Variants in PRKCZ observed in about 807,000 individuals in gnomAD.
PRKCZ encodes protein kinase C zeta type.
Under a neutral mutation model 79.5 loss-of-function variants are expected in PRKCZ, and 33 were observed. That is an observed-to-expected ratio of 0.41 (90% CI 0.31 to 0.55). The LOEUF (loss-of-function observed/expected upper bound fraction) is 0.55. Among genes scored for constraint, PRKCZ ranks in the 20% least tolerant of loss-of-function variants. The probability of loss-of-function intolerance (pLI) is 0.19; values close to 1 mark genes in which losing one functional copy is unlikely to be tolerated. For synonymous variants in PRKCZ, 342 were observed against 320.9 expected, an observed-to-expected ratio of 1.07 and a Z score of -0.70; for missense variants, 578 against 813.5, an observed-to-expected ratio of 0.71 and a Z score of 3.52.
intron 4 of PRKCZ, among the ~76,000 whole-genome samples, chr1:2,061,277 C>G (rs1051591753): frequency 2.0e-5 from 3 of 152,196 alleles, no homozygotes; most frequent in African/African-American, 7.2e-5. Context: ...CTCAACCCTG[C>G]CTGGGGGCCT....
chr1:2,056,612 T>C, intron 3 of PRKCZ, 39 bp downstream of exon 3: 1 of 1,556,470 alleles, frequency 6.4e-7, no homozygotes, highest in Middle Eastern at 1.7e-4. Flanking sequence ...TCTGGGGGGC[T>C]GTTCCTGGCT....
At chr1:2,100,910 T>C (rs1246782408) in intron 4 of PRKCZ, among the ~76,000 whole-genome samples, 1 of 152,018 alleles carries the variant, frequency 6.6e-6, no homozygotes, top group Non-Finnish European at 1.5e-5. Context: ...GCTGTCCCTA[T>C]ATGATGTGGT....
chr1:2,116,812 C>T (rs1670848464), intron 4 of PRKCZ, among the ~76,000 whole-genome samples: 1 of 152,116 alleles, frequency 6.6e-6, no homozygotes, highest in South Asian at 2.1e-4. Flanking sequence ...TTACAGTTGG[C>T]TTATTTGCTT....
At chr1:2,073,645 G>A (rs555109409) in intron 4 of PRKCZ, 113 of 991,444 alleles carry the variant, frequency 1.1e-4, no homozygotes, top group East Asian at 1.0e-3. Flanking sequence ...CATCCATGCC[G>A]TGTTTTAGTT....
chr1:2,150,343 C>T (rs921868155), intron 8 of PRKCZ, among the ~76,000 whole-genome samples: 5 of 152,150 alleles, frequency 3.3e-5, no homozygotes, highest in African/African-American at 1.2e-4. Flanking sequence ...ATAATGTGTG[C>T]CTGCCGGTTT....
rs144456409 is a variant in PRKCZ at position 2,091,356 on chromosome 1, G to A, written c.334+31765G>A. ...CTGGCCTGTTTGTTTTTTAATTGTG[G>A]TAAAATACCTATAACATAAAATTCA... On this transcript the variant is annotated intron_variant, in intron 4 of 17. Transcript: ENST00000378567. 1.1e-3 allele frequency among the ~76,000 whole-genome samples: 165 copies of A among 152,252 alleles called. No homozygotes were observed. In the Middle Eastern group the frequency reaches 0.027, roughly 25 times the overall value.
rs889744050 is a variant in PRKCZ, at chr1:2,082,931, G to C, written c.334+23340G>C. Among the ~76,000 whole-genome samples the C allele has an allele frequency of 1.3e-5, 2 of 151,964 alleles. No homozygotes were observed. The highest frequency in any genetic ancestry group is 2.9e-5 in the Non-Finnish European group (2 of 67,968). Reference sequence around the variant, plus strand: ...AGTGAGGGCGCGAGAGGGTGGAGGGGCGGCATGAGGGAGCAAGCCACCTCG... The same window carrying C: ...AGTGAGGGCGCGAGAGGGTGGAGGGCCGGCATGAGGGAGCAAGCCACCTCG... On this transcript the variant is annotated intron_variant, in intron 4 of 17. Coordinates refer to ENST00000378567, the MANE Select transcript of PRKCZ (RefSeq NM_002744.6). The surrounding 1 kb of genome is among the most constrained non-coding windows in gnomAD (Gnocchi z 4.4).
intron 16 of PRKCZ, among the ~76,000 whole-genome samples, chr1:2,180,121 G>C (rs976678314): frequency 2.0e-5 from 3 of 152,180 alleles, no homozygotes; most frequent in African/African-American, 7.2e-5. Context: ...CTGTGTGGCC[G>C]TAAAATTCTC....
chr1:2,145,603 A>C, intron 6 of PRKCZ: 1 of 187,860 alleles, frequency 5.3e-6, no homozygotes, highest in South Asian at 9.1e-5. Flanking sequence ...GTAATGTGTA[A>C]ATATGTAAAT....
chr1:2,113,223 AT>A (rs1670100909), intron 4 of PRKCZ, among the ~76,000 whole-genome samples: 1 of 152,128 alleles, frequency 6.6e-6, no homozygotes, highest in Admixed American at 6.5e-5. Flanking sequence ...ATGTTTTTTA[AT>A]GTAAGGTTTT....
intron 4 of PRKCZ, among the ~76,000 whole-genome samples, chr1:2,093,818 G>A (rs1384366900): frequency 6.6e-6 from 1 of 152,040 alleles, no homozygotes; most frequent in Non-Finnish European, 1.5e-5. Flanking sequence ...TGTGCTTGGA[G>A]CTGCATCGGG....
In PRKCZ at chr1:2,128,161, G is replaced by C. The variant is rs1343652068; in HGVS notation, c.335-7101G>C. Among the ~76,000 whole-genome samples the C allele has an allele frequency of 2.0e-5, 3 of 152,246 alleles. No individual in the cohort carries two copies. Among genetic ancestry groups the C allele is most frequent in the Non-Finnish European group, 4.4e-5 (3 of 68,034 alleles). On this transcript the variant is annotated intron_variant, in intron 4 of 17. Transcript: ENST00000378567. The surrounding 1 kb of genome is among the most constrained non-coding windows in gnomAD (Gnocchi z 6.5). ...CCTCTGGGCCCAAGGGCACCTCACT[G>C]TCTCCTTGTCCTCCTGGTCACTGAC...
intron 5 of PRKCZ, chr1:2,143,741 A>C (rs756774607): frequency 6.5e-6 from 1 of 154,728 alleles, no homozygotes; most frequent in African/African-American, 2.4e-5. Flanking sequence ...CAAGATGTTC[A>C]TGAGTCCGAG....
At position 2,151,121 on chromosome 1, in the gene PRKCZ, G is replaced by A. The variant is rs1051132800; in HGVS notation, c.876+143G>A. On this transcript the variant is annotated intron_variant, in intron 9 of 17. Transcript: ENST00000378567. The stretch of plus-strand genomic sequence containing the variant: ...TGTGCAAAATCAATAGTCATGCATC[G>A]TGTAATGACCAGGATGTGTTCTGGA... 22 of 1,051,432 alleles carry A rather than the reference G, an allele frequency of 2.1e-5. No homozygotes were observed. In the Admixed American group the frequency reaches 2.2e-4, roughly 10 times the overall value. The allele number at this position is 1,051,432 out of a possible 1,614,324, so 65.1% of individuals were successfully genotyped here.
chr1:2,064,906 AG>A (rs1243408248), intron 4 of PRKCZ, among the ~76,000 whole-genome samples: 1 of 152,224 alleles, frequency 6.6e-6, no homozygotes, highest in Non-Finnish European at 1.5e-5. Context: ...TGATTTTTGC[AG>A]GGATTGCATT....
chr1:2,149,853 T>C lies in PRKCZ; in HGVS notation c.687+929T>C, dbSNP rs551370494. ...TCCAGCCTGGGCGACAGAGGAAGAG[T>C]CTGTCTCAAAAAAAGCAGAATCCGG... On this transcript the variant is annotated intron_variant, in intron 8 of 17. Transcript: ENST00000378567. This position sits in a 1 kb window ranked among gnomAD's most constrained non-coding sequence, Gnocchi z 4.1. Among the ~76,000 whole-genome samples the C allele has an allele frequency of 7.4e-5, 11 of 148,386 alleles. No individual in the cohort carries two copies. Among genetic ancestry groups the C allele is most frequent in the Admixed American group, 2.7e-4 (4 of 14,890 alleles).
At chr1:2,136,268 C>G (rs929375884) in intron 5 of PRKCZ, among the ~76,000 whole-genome samples, 1 of 152,190 alleles carries the variant, frequency 6.6e-6, no homozygotes, top group African/African-American at 2.4e-5. Flanking sequence ...TGCGTGTGCT[C>G]GGTCCCTGTC....
At chr1:2,090,617 C>T (rs377728544) in intron 4 of PRKCZ, among the ~76,000 whole-genome samples, 4 of 152,232 alleles carry the variant, frequency 2.6e-5, no homozygotes, top group African/African-American at 4.8e-5. Context: ...AAGGAGGCCC[C>T]GTGCACATGT....
intron 4 of PRKCZ, chr1:2,134,995 G>A (rs968836653): frequency 6.5e-6 from 2 of 305,964 alleles, no homozygotes; most frequent in Non-Finnish European, 1.2e-5. Context: ...CCGTCCCGTG[G>A]TGGATCCTGT....
Sources: gnomAD v4.1 joint callset for allele counts (sites outside exome capture counted in the v4.1 genomes callset) on GRCh38, gnomAD v4.1.1 for gene constraint, Gnocchi (gnomAD v3.1) non-coding constraint, MANE v1.5 for transcripts, NCBI Gene and HGNC (gene_info 2026-07-23, HGNC 2026-07-21) for gene names.